Variants in GIN1 observed in about 807,000 individuals in gnomAD.
GIN1 encodes gypsy retrotransposon integrase 1.
GIN1 carries 41 observed loss-of-function variants against 51.4 expected under a neutral mutation model. That is an observed-to-expected ratio of 0.80 (90% confidence interval 0.62 to 1.04). GIN1 has a LOEUF of 1.04. Ranked by LOEUF, GIN1 falls within the 50% of genes least tolerant of loss-of-function variation. The probability of loss-of-function intolerance (pLI) is 0.00; values close to 1 mark genes in which losing one functional copy is unlikely to be tolerated. For missense variants in GIN1, 610 were observed against 612.4 expected, an observed-to-expected ratio of 1.00 and a Z score of 0.04; for synonymous variants, 222 against 206.5, an observed-to-expected ratio of 1.07 and a Z score of -0.64.
chr5:103,093,411 C>G (rs900164375), intron 7 of GIN1, among the ~76,000 whole-genome samples: 1 of 152,066 alleles, frequency 6.6e-6, no homozygotes, highest in Non-Finnish European at 1.5e-5. Context: ...ATGAAGGTAA[C>G]CTCTAGAAGC....
At chr5:103,098,469 A>G (rs1314369138) in intron 4 of GIN1, among the ~76,000 whole-genome samples, 1 of 151,956 alleles carries the variant, frequency 6.6e-6, no homozygotes, top group East Asian at 1.9e-4. Context: ...TTTGAGTTTA[A>G]TTTTTTTCTT....
rs34794 is a variant in GIN1, at chr5:103,087,664, T to A, written c.*234A>T. 0.27 allele frequency: 74,837 copies of A among 278,306 alleles called. 11,137 individuals carry two copies. Among genetic ancestry groups the A allele is most frequent in the East Asian group, 0.46 (7,489 of 16,436 alleles). 17.2% of individuals were successfully genotyped at this position (278,306 alleles called of 1,614,324 possible). A position where few individuals can be genotyped will look rare whatever the true frequency, so the allele number is the denominator to read the frequency against. On this transcript the variant is annotated 3_prime_UTR_variant, in exon 8 of 8. Coordinates refer to ENST00000399004, the MANE Select transcript of GIN1 (RefSeq NM_017676.2). ...AGAAGTAGGGGTGCTTTGCCTGTTC[T>A]CTTTTTAGAAGAAAAAGTGAATTCT...
intron 4 of GIN1, among the ~76,000 whole-genome samples, chr5:103,099,893 ATTATG>A (rs1187904197): frequency 7.2e-5 from 11 of 152,158 alleles, no homozygotes; most frequent in African/African-American, 2.4e-4. Context: ...CACATTGTGT[ATTATG>A]TTATAATATT....
In GIN1 at chr5:103,104,776, T is replaced by C. The variant is rs782502848; in HGVS notation, c.404A>G (p.Lys135Arg). ...AACTAAACTCCATGGATTTTCCACC[T>C]TGAGAAGGTGCTGTTTCGGTGCTAC... is the stretch of plus-strand genomic sequence containing the variant. ...VIVAPKQHLL[K>R]VENPWSLVTV... Residue 135 changes from lysine (K) to arginine (R), a missense_variant, in exon 4 of 8, where the codon AAG (lysine) becomes AGG (arginine). Transcript: ENST00000399004. The C allele has an allele frequency of 4.3e-5, 69 of 1,612,348 alleles. No individual in the cohort carries two copies. Among genetic ancestry groups the C allele is most frequent in the Middle Eastern group, 3.3e-4 (2 of 6,078 alleles).
intron 7 of GIN1, among the ~76,000 whole-genome samples, chr5:103,091,914 A>G (rs1787249868): frequency 6.6e-6 from 1 of 151,818 alleles, no homozygotes; most frequent in Non-Finnish European, 1.5e-5. Flanking sequence ...AATCCCAGCT[A>G]CTCAGGAGGC....
At chr5:103,118,260 C>T (rs1379112880) in intron 1 of GIN1, among the ~76,000 whole-genome samples, 3 of 151,942 alleles carry the variant, frequency 2.0e-5, no homozygotes, top group African/African-American at 7.2e-5. Context: ...TAGACTTAAG[C>T]CTTAGTATCT....
chr5:103,109,500 A>G (rs1246444071), intron 1 of GIN1, among the ~76,000 whole-genome samples: 1 of 152,140 alleles, frequency 6.6e-6, no homozygotes, highest in African/African-American at 2.4e-5. Context: ...CCTATGACAC[A>G]GCTCTTTGCA....
rs372385163 is a variant in GIN1, at chr5:103,097,470, T to C, written c.852A>G (p.Pro284=). ...GATTTCGACTAAACATTTGAAAATA[T>C]GGTGTATTTTTAGTAGGTTCCTATT... ...VTHLEPTKNT[P]YFQMFSRNPY... The change falls in exon 6 of 8, where the codon CCA becomes CCG. Residue 284 remains proline (P), a synonymous_variant. Coordinates refer to ENST00000399004, the MANE Select transcript of GIN1 (RefSeq NM_017676.2). 10 of 1,555,976 alleles carry C rather than the reference T, an allele frequency of 6.4e-6. No individual in the cohort carries two copies. In the African/African-American group the frequency reaches 9.6e-5, roughly 15 times the overall value.
intron 4 of GIN1, among the ~76,000 whole-genome samples, chr5:103,099,852 G>T (rs1787519213): frequency 6.6e-6 from 1 of 152,122 alleles, no homozygotes; most frequent in African/African-American, 2.4e-5. Context: ...AGAAACATCT[G>T]TATTTTTATT....
chr5:103,107,006 T>C, intron 2 of GIN1, 97 bp from the exon 3 acceptor site: 1 of 637,722 alleles, frequency 1.6e-6, no homozygotes, highest in Non-Finnish European at 2.6e-6. Context: ...TGAAGGTTTT[T>C]GTTTTGTTTT....
chr5:103,097,751 T>G lies in GIN1; in HGVS notation c.670A>C (p.Ile224Leu). The G allele has an allele frequency of 6.4e-7, 1 of 1,570,870 alleles. No homozygotes were observed. The change falls in exon 5 of 8, where the codon ATA becomes CTA. Residue 224 changes from isoleucine (I) to leucine (L), a missense_variant. Coordinates refer to ENST00000399004, the MANE Select transcript of GIN1 (RefSeq NM_017676.2). ...INIELYRLFG[I>L]KQIVISHTSG... is the part of the protein sequence containing the mutation. ...GTGTGAGAAATTACAATTTGCTTTA[T>G]GCCAAACAATCTGTACAGTTCAATA...
chr5:103,104,001 T>A (rs1554196012), intron 4 of GIN1, among the ~76,000 whole-genome samples: 1 of 152,122 alleles, frequency 6.6e-6, no homozygotes, highest in African/African-American at 2.4e-5. Context: ...TCGCTCAGGC[T>A]GGAGTGCAGT....
At chr5:103,119,805 C>T (rs1362042685) in intron 1 of GIN1, among the ~76,000 whole-genome samples, 2 of 152,118 alleles carry the variant, frequency 1.3e-5, no homozygotes, top group African/African-American at 4.8e-5. Flanking sequence ...GGAAAATGAC[C>T]GTTTGGTAAA....
In GIN1 at chr5:103,087,515, A is replaced by C. The variant is rs535912995; in HGVS notation, c.*383T>G. 6.5e-6 allele frequency: 1 copy of C among 154,810 alleles called. No homozygotes were observed. Among genetic ancestry groups the C allele is most frequent in the South Asian group, 2.1e-4 (1 of 4,854 alleles). The allele number at this position is 154,810 out of a possible 1,614,324, so 9.6% of individuals were successfully genotyped here. A position where few individuals can be genotyped will look rare whatever the true frequency, so the allele number is the denominator to read the frequency against. On this transcript the variant is annotated 3_prime_UTR_variant, in exon 8 of 8. Transcript: ENST00000399004. ...GTTACAGTTGATTCAGTATTTATCAATTCCATTCAAGGTAGTTCAAACTTA... is the reference window on the plus strand; with the variant it reads ...GTTACAGTTGATTCAGTATTTATCACTTCCATTCAAGGTAGTTCAAACTTA...
Position 103,087,699 on chromosome 5 carries a change from A to T in GIN1, c.*199T>A, listed in dbSNP as rs1243951625. 2.7e-6 allele frequency: 1 copy of T among 364,030 alleles called. No homozygotes were observed. Among genetic ancestry groups the T allele is most frequent in the Non-Finnish European group, 4.8e-6 (1 of 206,264 alleles). The allele number at this position is 364,030 out of a possible 1,614,324, so 22.5% of individuals were successfully genotyped here. A position where few individuals can be genotyped will look rare whatever the true frequency, so the allele number is the denominator to read the frequency against. On this transcript the variant is annotated 3_prime_UTR_variant, in exon 8 of 8. Coordinates refer to ENST00000399004, the MANE Select transcript of GIN1 (RefSeq NM_017676.2). The stretch of plus-strand genomic sequence containing the variant: ...AGAAAAAGTGAATTCTATATATTAC[A>T]TGCTTCCTTTGCCTTCATATGTACG...
intron 2 of GIN1, among the ~76,000 whole-genome samples, chr5:103,108,117 T>A (rs1033905988): frequency 7.2e-5 from 11 of 152,082 alleles, no homozygotes; most frequent in African/African-American, 1.2e-4. Context: ...CTGAGAATAT[T>A]TAATGGCAGT....
chr5:103,094,773 T>C (rs1193516473), intron 7 of GIN1, among the ~76,000 whole-genome samples: 1 of 152,208 alleles, frequency 6.6e-6, no homozygotes, highest in Non-Finnish European at 1.5e-5. Context: ...ACCTTTTTTT[T>C]CCCTACTTAA....
intron 7 of GIN1, among the ~76,000 whole-genome samples, chr5:103,091,543 A>G (rs1428517122): frequency 2.0e-5 from 3 of 152,238 alleles, no homozygotes; most frequent in Admixed American, 6.5e-5. Flanking sequence ...TGATTATGAC[A>G]TCTGTTTGAT....
At chr5:103,116,935 G>A (rs1277456453) in intron 1 of GIN1, among the ~76,000 whole-genome samples, 1 of 152,028 alleles carries the variant, frequency 6.6e-6, no homozygotes, top group East Asian at 1.9e-4. Flanking sequence ...TACCAAGGAT[G>A]CTCTTACTGG....
Sources: gnomAD v4.1 joint callset for allele counts (sites outside exome capture counted in the v4.1 genomes callset) on GRCh38, gnomAD v4.1.1 for gene constraint, MANE v1.5 for transcripts, NCBI Gene and HGNC (gene_info 2026-07-23, HGNC 2026-07-21) for gene names.